Variants in ROBO1 observed in about 807,000 individuals in gnomAD.
ROBO1 encodes the protein roundabout guidance receptor 1.
ROBO1 carries 149 observed loss-of-function variants against 195.9 expected under a neutral mutation model. The observed-to-expected ratio is 0.76, with a 90% CI of 0.67 to 0.87. The LOEUF is 0.87. Ranked by LOEUF, ROBO1 falls within the 40% of genes least tolerant of loss-of-function variation. ROBO1 has a pLI of 0.00. For missense variants in ROBO1, 1,933 were observed against 2,068.3 expected (o/e 0.93, Z 1.27); for synonymous variants, 816 against 733.2 (o/e 1.11, Z -1.82).
intron 3 of ROBO1, among the ~76,000 whole-genome samples, chr3:79,053,670 C>A (rs527659805): frequency 3.4e-4 from 52 of 152,020 alleles, no homozygotes; most frequent in Non-Finnish European, 6.8e-4. Context: ...TTCTGCTCCC[C>A]CAATACCCCT....
intron 1 of ROBO1, among the ~76,000 whole-genome samples, chr3:79,658,145 A>G (rs1390643611): frequency 1.3e-5 from 2 of 152,146 alleles, no homozygotes; most frequent in African/African-American, 4.8e-5. Flanking sequence ...TATGTCTTAA[A>G]GATAATGTTT....
chr3:79,453,616 G>A (rs1193409581), intron 2 of ROBO1, among the ~76,000 whole-genome samples: 1 of 152,048 alleles, frequency 6.6e-6, no homozygotes, highest in Non-Finnish European at 1.5e-5. Context: ...GCTTTGGGGA[G>A]TTGTTCATAA....
chr3:79,604,578 T>C (rs1183651061), intron 1 of ROBO1, among the ~76,000 whole-genome samples: 1 of 152,010 alleles, frequency 6.6e-6, no homozygotes, highest in African/African-American at 2.4e-5. Flanking sequence ...CAAAGTTACA[T>C]TTCAAATACA....
intron 2 of ROBO1, among the ~76,000 whole-genome samples, chr3:79,280,689 A>T (rs1196744172): frequency 6.6e-6 from 1 of 152,130 alleles, no homozygotes; most frequent in Non-Finnish European, 1.5e-5. Flanking sequence ...TTTTCCACTG[A>T]CATCGGGCAG....
At chr3:78,974,420 G>T (rs1354912292) in intron 3 of ROBO1, among the ~76,000 whole-genome samples, 1 of 152,150 alleles carries the variant, frequency 6.6e-6, no homozygotes, top group Non-Finnish European at 1.5e-5. Flanking sequence ...AGCGGCTGTG[G>T]ATTCTTTAGA....
chr3:79,151,855 A>C (rs558782186), intron 2 of ROBO1, among the ~76,000 whole-genome samples: 1 of 151,874 alleles, frequency 6.6e-6, no homozygotes, highest in Non-Finnish European at 1.5e-5. Context: ...GCTCCTGCTC[A>C]TCTTTCGGTC....
intron 1 of ROBO1, among the ~76,000 whole-genome samples, chr3:79,640,890 C>T (rs1209442803): frequency 6.6e-6 from 1 of 152,154 alleles, no homozygotes; most frequent in African/African-American, 2.4e-5. Flanking sequence ...ACAGTTCCCC[C>T]AGGATACAAT....
chr3:79,135,548 T>C (rs964915379), intron 2 of ROBO1, among the ~76,000 whole-genome samples: 5 of 152,170 alleles, frequency 3.3e-5, no homozygotes, highest in African/African-American at 1.2e-4. Flanking sequence ...AGATATCATA[T>C]CTCTAAGTGA....
intron 1 of ROBO1, among the ~76,000 whole-genome samples, chr3:79,725,393 A>C (rs1402162404): frequency 2.0e-5 from 3 of 150,812 alleles, no homozygotes; most frequent in Non-Finnish European, 4.4e-5. Context: ...CGCCCGGCTA[A>C]TTTTTTGTAT....
intron 1 of ROBO1, among the ~76,000 whole-genome samples, chr3:79,716,350 T>C (rs1227039433): frequency 2.0e-5 from 3 of 152,014 alleles, no homozygotes; most frequent in African/African-American, 7.2e-5. Flanking sequence ...ATACTACATA[T>C]TCTGGAATAA....
At chr3:78,711,726 TG>T (rs2081755338) in intron 8 of ROBO1, among the ~76,000 whole-genome samples, 2 of 150,800 alleles carry the variant, frequency 1.3e-5, no homozygotes, top group Non-Finnish European at 2.9e-5. Flanking sequence ...GTACCTCAGG[TG>T]ATCTGACCAC....
intron 2 of ROBO1, among the ~76,000 whole-genome samples, chr3:79,561,935 T>C (rs1190749758): frequency 6.6e-6 from 1 of 152,104 alleles, no homozygotes; most frequent in Non-Finnish European, 1.5e-5. Context: ...TCTATCACCT[T>C]ATAGTTATTT....
At chr3:78,752,547 C>T (rs557219835) in intron 4 of ROBO1, among the ~76,000 whole-genome samples, 13 of 152,238 alleles carry the variant, frequency 8.5e-5, no homozygotes, top group African/African-American at 3.1e-4. Flanking sequence ...GCTGACAGCA[C>T]TGCCCAGAAG....
rs1309207212 is a variant in ROBO1 at position 78,945,581 on chromosome 3, GA to G, written c.173-6655del. ...ACAAAGACGGGAAAAAAACAGGGCA[GA>G]AAAACTGGAAACTCTAAAAATCAGA... On this transcript the variant is annotated intron_variant, in intron 3 of 30. Coordinates refer to ENST00000464233, the MANE Select transcript of ROBO1 (RefSeq NM_002941.4). Among the ~76,000 whole-genome samples, 4 of 152,150 alleles carry G rather than the reference GA, an allele frequency of 2.6e-5. No individual in the cohort carries two copies. The East Asian group carries it at 7.7e-4, about 29-fold the overall frequency.
chr3:78,973,348 T>A (rs940120357), intron 3 of ROBO1, among the ~76,000 whole-genome samples: 2 of 150,846 alleles, frequency 1.3e-5, no homozygotes, highest in African/African-American at 4.9e-5. Context: ...GTCCCCTTTG[T>A]ACTGAAAAAA....
At chr3:79,306,358 G>C (rs566586335) in intron 2 of ROBO1, among the ~76,000 whole-genome samples, 9 of 151,390 alleles carry the variant, frequency 5.9e-5, no homozygotes, top group Admixed American at 4.6e-4. Context: ...ATGATTATTT[G>C]AGCTCTTTCC....
chr3:79,040,282 A>C (rs1039585612), intron 3 of ROBO1, among the ~76,000 whole-genome samples: 4 of 152,160 alleles, frequency 2.6e-5, no homozygotes, highest in Non-Finnish European at 4.4e-5. Flanking sequence ...ATAGTTCAAA[A>C]TGTGCTTTGT....
At chr3:79,582,185 C>A (rs555966374) in intron 2 of ROBO1, among the ~76,000 whole-genome samples, 16 of 151,748 alleles carry the variant, frequency 1.1e-4, no homozygotes, top group Middle Eastern at 3.6e-3. Flanking sequence ...TATTTAGAAT[C>A]TAATATAATT....
At chr3:79,613,137 G>T (rs1249047467) in intron 1 of ROBO1, among the ~76,000 whole-genome samples, 1 of 151,702 alleles carries the variant, frequency 6.6e-6, no homozygotes, top group African/African-American at 2.4e-5. Flanking sequence ...GACTGGGAAA[G>T]ACTGAAAAAG....
Sources: allele counts gnomAD v4.1 joint callset (sites outside exome capture counted in the v4.1 genomes callset), GRCh38; gene constraint gnomAD v4.1.1; transcripts MANE v1.5; gene names NCBI Gene and HGNC (gene_info 2026-07-23, HGNC 2026-07-21).